CYP24A1: variants seen among roughly 807,000 people sequenced by gnomAD.
CYP24A1 encodes 1,25-dihydroxyvitamin D(3) 24-hydroxylase, mitochondrial.
Under a neutral mutation model 62.4 loss-of-function variants are expected in CYP24A1, and 68 were observed. That is an observed-to-expected ratio of 1.09 (90% CI 0.90 to 1.33). The LOEUF (loss-of-function observed/expected upper bound fraction) is 1.33, where lower values mean the gene tolerates loss of function less well. CYP24A1 is among the 40% of genes most tolerant of loss of function. CYP24A1 has a pLI of 0.00. For synonymous variants in CYP24A1, 267 were observed against 253.0 expected, an observed-to-expected ratio of 1.06 and a Z score of -0.52; for missense variants, 787 against 653.0, an observed-to-expected ratio of 1.21 and a Z score of -2.24.
At chr20:54,149,798 C>T (rs1022384480), downstream of CYP24A1, among the ~76,000 whole-genome samples, 1 of 152,166 alleles carries the variant, frequency 6.6e-6, no homozygotes, top group Non-Finnish European at 1.5e-5. Flanking sequence ...ATGAGAACAG[C>T]AAGATGAGAA....
At chr20:54,145,079 A>T in the CYP24A1 span, among the ~76,000 whole-genome samples, 1 of 152,172 alleles carries the variant, frequency 6.6e-6, no homozygotes, top group Non-Finnish European at 1.5e-5. Flanking sequence ...TCCAGCAAAA[A>T]GTATGCTAGA....
chr20:54,167,886 T>C (rs1397269378), intron 4 of CYP24A1, among the ~76,000 whole-genome samples: 1 of 152,222 alleles, frequency 6.6e-6, no homozygotes, highest in Non-Finnish European at 1.5e-5. Context: ...GCAGCCACAG[T>C]GATCCTCCCA....
chr20:54,166,379 C>A (rs1395355379), intron 4 of CYP24A1, among the ~76,000 whole-genome samples: 6 of 152,130 alleles, frequency 3.9e-5, no homozygotes, highest in Non-Finnish European at 8.8e-5. Flanking sequence ...CTCAACTCTT[C>A]ATTTCAAAAC....
rs953362063 is a variant in CYP24A1 at position 54,173,842 on chromosome 20, T to C, written c.-263A>G. 1 of 554,374 alleles carries C rather than the reference T, an allele frequency of 1.8e-6. No individual in the cohort carries two copies. Among genetic ancestry groups the C allele is most frequent in the Non-Finnish European group, 3.2e-6 (1 of 310,590 alleles). 34.3% of individuals were successfully genotyped at this position (554,374 alleles called of 1,614,324 possible). On this transcript the variant is annotated 5_prime_UTR_variant, in exon 1 of 12. Transcript: ENST00000216862. This position sits in a 1 kb window ranked among gnomAD's most constrained non-coding sequence, Gnocchi z 7.2. ...GGGCTGGAAGAGGGTGGCCGGTGTC[T>C]GGGGACCTCTTGAAAAGGGAAAGCT...
At chr20:54,148,864 T>A (rs965411989), downstream of CYP24A1, among the ~76,000 whole-genome samples, 1 of 152,232 alleles carries the variant, frequency 6.6e-6, no homozygotes, top group African/African-American at 2.4e-5. Context: ...CTCAGCACTT[T>A]GGGAGGCCGA....
At chr20:54,156,718 A>G (rs1345431078) in intron 11 of CYP24A1, among the ~76,000 whole-genome samples, 1 of 152,238 alleles carries the variant, frequency 6.6e-6, no homozygotes, top group Non-Finnish European at 1.5e-5. Context: ...ATAGAAAGCT[A>G]GGACATCAGC....
intron 11 of CYP24A1, among the ~76,000 whole-genome samples, chr20:54,156,836 C>T (rs145678732): frequency 4.6e-5 from 7 of 152,334 alleles, no homozygotes; most frequent in Non-Finnish European, 8.8e-5. Context: ...TATTTGCCAA[C>T]TGGCCCTTTA....
In CYP24A1 at chr20:54,172,920, C is replaced by A. The variant is rs2092698830; in HGVS notation, c.438G>T (p.Gly146=). 3.1e-6 allele frequency: 5 copies of A among 1,613,822 alleles called. No individual in the cohort carries two copies. The highest frequency in any genetic ancestry group is 4.2e-6 in the Non-Finnish European group (5 of 1,180,038). The change falls in exon 2 of 12, where the codon GGG becomes GGT. Residue 146 remains glycine (G), a synonymous_variant. Transcript: ENST00000216862. The stretch of plus-strand genomic sequence containing the variant: ...CGGATTGGACTCACAGGATCAGCAG[C>A]CCGTAGCCTTCTTTGCGGTAGTCGC... The part of the protein sequence containing the change: ...AYRDYRKEGY[G]LLILEGEDWQ...
chr20:54,166,290 G>A (rs1426116039), intron 4 of CYP24A1, among the ~76,000 whole-genome samples: 1 of 152,122 alleles, frequency 6.6e-6, no homozygotes, highest in Non-Finnish European at 1.5e-5. Flanking sequence ...GCCAGGTACT[G>A]GGCTAGCACT....
rs993130538 is a variant in CYP24A1, at chr20:54,173,002, T to C, written c.356A>G (p.Tyr119Cys). The C allele has an allele frequency of 4.3e-6, 7 of 1,611,862 alleles. No individual in the cohort carries two copies. The African/African-American group carries it at 9.3e-5, about 22-fold the overall frequency. Residue 119 changes from tyrosine (Y) to cysteine (C), a missense_variant, in exon 2 of 12, where the codon TAC (tyrosine) becomes TGC (cysteine). Coordinates refer to ENST00000216862, the MANE Select transcript of CYP24A1 (RefSeq NM_000782.5). The surrounding 1 kb of genome is among the most constrained non-coding windows in gnomAD (Gnocchi z 7.2). ...LGSPCLLEAL[Y>C]RTESAYPQRL... ...CTGCGGGTACGCGCTCTCGGTGCGG[T>C]ACAGCGCTTCCAGCAGGCATGGCGA...
At chr20:54,171,899 T>G (rs1359023887) in intron 2 of CYP24A1, 1 of 1,112,726 alleles carries the variant, frequency 9.0e-7, no homozygotes. Context: ...TAGTCAAAGA[T>G]TGCACCAAAA....
At chr20:54,166,318 TC>T (rs113372967) in intron 4 of CYP24A1, among the ~76,000 whole-genome samples, 21 of 152,248 alleles carry the variant, frequency 1.4e-4, no homozygotes, top group East Asian at 9.7e-4. Flanking sequence ...GGGTTTTTTT[TC>T]CTTCCATTTC....
At chr20:54,164,256 C>G (rs2092662834) in intron 6 of CYP24A1, among the ~76,000 whole-genome samples, 196 bp downstream of exon 6, 1 of 152,184 alleles carries the variant, frequency 6.6e-6, no homozygotes, top group Non-Finnish European at 1.5e-5. Context: ...TTTAACCACT[C>G]TTAATTCCCA....
the CYP24A1 span, among the ~76,000 whole-genome samples, chr20:54,144,530 C>T: frequency 6.6e-6 from 1 of 151,770 alleles, no homozygotes; most frequent in South Asian, 2.1e-4. Flanking sequence ...GCTGAGATTA[C>T]AAGTGTGAGC....
chr20:54,165,899 T>A (rs4809958), intron 4 of CYP24A1, 66 bp from the exon 5 acceptor site: 5 of 890,872 alleles, frequency 5.6e-6, no homozygotes, highest in Non-Finnish European at 7.7e-6. Flanking sequence ...TATGTTTAGC[T>A]GGTTATTAAA....
In CYP24A1 at chr20:54,173,347, C is replaced by A. The variant is rs755808640; in HGVS notation, c.233G>T (p.Gly78Val). ...GSLLQILWKG[G>V]LKKQHDTLVE... ...CAGGGTGTCGTGCTGTTTCTTGAGA[C>A]CCCCTTTCCAGAGAATCTGCAGCAG... Residue 78 changes from glycine to valine, a missense_variant, in exon 1 of 12, where the codon GGT becomes GTT. Gly to Val is a moderately radical substitution (Grantham distance 109, BLOSUM62 -3). Transcript: ENST00000216862. The surrounding 1 kb of genome is among the most constrained non-coding windows in gnomAD (Gnocchi z 7.2). 22 of 1,607,396 alleles carry A rather than the reference C, an allele frequency of 1.4e-5. No individual in the cohort carries two copies. Among genetic ancestry groups the A allele is most frequent in the Non-Finnish European group, 1.5e-5 (18 of 1,176,318 alleles).
intron 4 of CYP24A1, among the ~76,000 whole-genome samples, chr20:54,168,834 C>CCCTA (rs2092682684): frequency 1.9e-5 from 1 of 52,640 alleles, no homozygotes; most frequent in African/African-American, 6.3e-5. Flanking sequence ...TTCCTTCCCT[C>CCCTA]CCTCCCTCCC....
At chr20:54,147,375 C>A in the CYP24A1 span, among the ~76,000 whole-genome samples, 1 of 152,162 alleles carries the variant, frequency 6.6e-6, no homozygotes, top group Non-Finnish European at 1.5e-5. Flanking sequence ...ATTTCTAGAA[C>A]GTGCAAAATA....
chr20:54,148,903 G>A (rs574394874), downstream of CYP24A1, among the ~76,000 whole-genome samples: 2 of 152,252 alleles, frequency 1.3e-5, no homozygotes, highest in South Asian at 2.1e-4. Context: ...TCGAGAGATC[G>A]AGACCATCCT....
Sources: gnomAD v4.1 joint callset for allele counts (sites outside exome capture counted in the v4.1 genomes callset) on GRCh38, gnomAD v4.1.1 for gene constraint, Gnocchi (gnomAD v3.1) non-coding constraint, MANE v1.5 for transcripts, NCBI Gene and HGNC (gene_info 2026-07-23, HGNC 2026-07-21) for gene names.